FXYD3: variants seen among roughly 807,000 people sequenced by gnomAD.
FXYD3 encodes FXYD domain containing ion transport regulator 3.
FXYD3 carries 13 observed loss-of-function variants against 19.2 expected under a neutral mutation model. That is an observed-to-expected ratio of 0.68 (90% CI 0.44 to 1.08). The LOEUF is 1.08. Ranked by LOEUF, FXYD3 falls within the 50% of genes least tolerant of loss-of-function variation. The pLI, the probability that FXYD3 is intolerant of heterozygous loss-of-function variation, is 0.00. For synonymous variants in FXYD3, 48 were observed against 38.9 expected (o/e 1.23, Z -0.87); for missense variants, 101 against 109.4 (o/e 0.92, Z 0.34).
chr19:35,120,907 A>G (rs1339448133), intron 3 of FXYD3, among the ~76,000 whole-genome samples, 171 bp from the exon 4 acceptor site: 1 of 152,174 alleles, frequency 6.6e-6, no homozygotes, highest in Non-Finnish European at 1.5e-5. Context: ...TGAGTGGGCG[A>G]GTCCACATTT....
At chr19:35,123,362 GTGTGTA>G in intron 8 of FXYD3, 54 bp downstream of exon 8, 1 of 1,610,006 alleles carries the variant, frequency 6.2e-7, no homozygotes, top group Non-Finnish European at 8.5e-7. Flanking sequence ...GTGTGTGTGT[GTGTGTA>G]TGTGTGTGTT....
At chr19:35,119,887 C>T (rs547682131) in intron 3 of FXYD3, 6 of 162,868 alleles carry the variant, frequency 3.7e-5, no homozygotes, top group Non-Finnish European at 6.6e-5. Context: ...CCAAGCTGGT[C>T]TCAAACTCCT....
At chr19:35,123,151 C>T (rs2065086346) in intron 7 of FXYD3, 120 bp from the exon 8 acceptor site, 1 of 1,493,504 alleles carries the variant, frequency 6.7e-7, no homozygotes, top group South Asian at 1.4e-5. Context: ...CCTGGGATTG[C>T]ACAACCCCCC....
chr19:35,117,429 G>T lies in FXYD3; in HGVS notation c.-15+1070G>T. On this transcript the variant is annotated intron_variant, in intron 2 of 8. Coordinates refer to ENST00000604404, the MANE Select transcript of FXYD3 (RefSeq NM_005971.4). ...GAGCATAGGGCTTTAAGATGAATTT[G>T]CAGGGGTTACAGGATTACAACTGCA... 2.2e-6 allele frequency: 3 copies of T among 1,388,314 alleles called. No homozygotes were observed. In the South Asian group the frequency reaches 5.2e-5, roughly 24 times the overall value. The allele number at this position is 1,388,314 out of a possible 1,614,324, so 86.0% of individuals were successfully genotyped here. A position where few individuals can be genotyped will look rare whatever the true frequency, so the allele number is the denominator to read the frequency against.
At position 35,123,257 on chromosome 19, in the gene FXYD3, T is replaced by A. The variant is rs2065090474; in HGVS notation, c.210-14T>A. 1.9e-6 allele frequency: 3 copies of A among 1,581,390 alleles called. No homozygotes were observed. The highest frequency in any genetic ancestry group is 2.6e-6 in the Non-Finnish European group (3 of 1,163,288). On this transcript the variant is annotated splice_polypyrimidine_tract_variant and intron_variant, in intron 7 of 8. Coordinates refer to ENST00000604404, the MANE Select transcript of FXYD3 (RefSeq NM_005971.4). ...TGGGGGCGGACACCAATCTCACCAC[T>A]TTTGTCTCCTTAGTCACCATCCAGG...
chr19:35,121,159 G>A (rs1004765497), intron 4 of FXYD3, 49 bp downstream of exon 4: 1 of 1,614,066 alleles, frequency 6.2e-7, no homozygotes, highest in Non-Finnish European at 8.5e-7. Flanking sequence ...TTCTCCCCTG[G>A]GTGGGGAAGG....
At chr19:35,116,830 T>C (rs934634537) in intron 2 of FXYD3, 2 of 985,336 alleles carry the variant, frequency 2.0e-6, no homozygotes, top group Admixed American at 1.2e-4. Flanking sequence ...ACTCGGGGTG[T>C]CCAGACATTG....
At chr19:35,123,235 G>A (rs369601420) in intron 7 of FXYD3, 36 bp from the exon 8 acceptor site, 37 of 1,557,382 alleles carry the variant, frequency 2.4e-5, no homozygotes, top group Non-Finnish European at 3.2e-5. Flanking sequence ...GGGCAAATGG[G>A]GGCGGACACC....
At chr19:35,116,701 A>T in intron 2 of FXYD3, 1 of 978,524 alleles carries the variant, frequency 1.0e-6, no homozygotes, top group Non-Finnish European at 1.2e-6. Context: ...AGGTAGGGGT[A>T]TCTAAGTGGA....
chr19:35,116,376 C>G lies in FXYD3; in HGVS notation c.-15+17C>G. 3.0e-6 allele frequency: 3 copies of G among 985,514 alleles called. No individual in the cohort carries two copies. Among genetic ancestry groups the G allele is most frequent in the Non-Finnish European group, 3.6e-6 (3 of 829,992 alleles). The allele number at this position is 985,514 out of a possible 1,614,324, so 61.0% of individuals were successfully genotyped here. A position where few individuals can be genotyped will look rare whatever the true frequency, so the allele number is the denominator to read the frequency against. On this transcript the variant is annotated intron_variant, in intron 2 of 8. Transcript: ENST00000604404. ...ACCACACAGGTGAGCAGCTGGGGCC[C>G]CTTCCTCCAAGCCCTCCTTGTCTCT...
chr19:35,123,320 C>A lies in FXYD3; in HGVS notation c.247+12C>A. On this transcript the variant is annotated intron_variant, in intron 8 of 8. Coordinates refer to ENST00000604404, the MANE Select transcript of FXYD3 (RefSeq NM_005971.4). ...TCTCATCACCCCAGGTAAGATGGGG[C>A]AGCATGGGGCTCAGGGGAACACGGA... is the stretch of plus-strand genomic sequence containing the variant. 6.2e-7 allele frequency: 1 copy of A among 1,610,552 alleles called. No individual in the cohort carries two copies. The highest frequency in any genetic ancestry group is 1.1e-5 in the South Asian group (1 of 90,390).
Position 35,121,128 on chromosome 19 carries a change from C to G in FXYD3, c.73+18C>G, listed in dbSNP as rs1361299576. ...CCTAGAAGGTGAGTCAGACTGGACT[C>G]TCACCCGTCACACCCCCAAATTCTC... is the stretch of plus-strand genomic sequence containing the variant. On this transcript the variant is annotated intron_variant, in intron 4 of 8. Coordinates refer to ENST00000604404, the MANE Select transcript of FXYD3 (RefSeq NM_005971.4). The G allele has an allele frequency of 2.5e-6, 4 of 1,613,860 alleles. No individual in the cohort carries two copies. Among genetic ancestry groups the G allele is most frequent in the Middle Eastern group, 1.7e-4 (1 of 5,732 alleles).
At chr19:35,121,639 T>A (rs1568387151) in intron 5 of FXYD3, 1 of 835,404 alleles carries the variant, frequency 1.2e-6, no homozygotes, top group Non-Finnish European at 1.6e-6. Flanking sequence ...CTCTCCACGC[T>A]CCTCATTCCT....
At position 35,123,737 on chromosome 19, in the gene FXYD3, C is replaced by T; in HGVS notation, c.*280C>T. On this transcript the variant is annotated 3_prime_UTR_variant, in exon 9 of 9. Coordinates refer to ENST00000604404, the MANE Select transcript of FXYD3 (RefSeq NM_005971.4). ...AAGGTTGGCGTGCCCTGGAGGCTGACACAGAGGCTGGCACTGAGCCTGCTT... is the reference window on the plus strand; with the variant it reads ...AAGGTTGGCGTGCCCTGGAGGCTGATACAGAGGCTGGCACTGAGCCTGCTT... 1 of 538,336 alleles carries T rather than the reference C, an allele frequency of 1.9e-6. No homozygotes were observed. Among genetic ancestry groups the T allele is most frequent in the South Asian group, 2.2e-5 (1 of 46,230 alleles). 33.3% of individuals were successfully genotyped at this position (538,336 alleles called of 1,614,324 possible).
At chr19:35,118,624 AC>A in intron 2 of FXYD3, 1 of 985,758 alleles carries the variant, frequency 1.0e-6, no homozygotes, top group Non-Finnish European at 1.2e-6. Flanking sequence ...TGGGCTGGGG[AC>A]CCCGGCTAGG....
Position 35,123,299 on chromosome 19 carries a change from A to G in FXYD3, c.238A>G (p.Ile80Val). ...CCATCCAGGGGAGACTCCACCTCTC[A>G]TCACCCCAGGTAAGATGGGGCAGCA... The part of the protein sequence containing the change: ...GHHPGETPPL[I>V]TPGSAQS Residue 80 changes from isoleucine to valine, a missense_variant, in exon 8 of 9, where the codon ATC becomes GTC. By Grantham distance (29) the Ile-to-Val change is conservative (BLOSUM62 3). Coordinates refer to ENST00000604404, the MANE Select transcript of FXYD3 (RefSeq NM_005971.4). 6.2e-7 allele frequency: 1 copy of G among 1,606,942 alleles called. No individual in the cohort carries two copies. Among genetic ancestry groups the G allele is most frequent in the East Asian group, 2.2e-5 (1 of 44,834 alleles).
intron 2 of FXYD3, 103 bp from the exon 3 acceptor site, chr19:35,119,260 C>G: frequency 6.2e-7 from 1 of 1,612,320 alleles, no homozygotes; most frequent in Non-Finnish European, 8.5e-7. Context: ...GGGTGAGCTG[C>G]GCACCCTGCC....
intron 2 of FXYD3, chr19:35,117,283 G>C (rs1396822719): frequency 6.6e-7 from 1 of 1,505,246 alleles, no homozygotes; most frequent in Non-Finnish European, 8.9e-7. Context: ...GATACCATCT[G>C]TCAGTCTTGG....
Position 35,122,953 on chromosome 19 carries a change from G to A in FXYD3, c.208G>A (p.Gly70Ser), listed in dbSNP as rs546861197. 80 of 1,594,558 alleles carry A rather than the reference G, an allele frequency of 5.0e-5. No homozygotes were observed. Among genetic ancestry groups the A allele is most frequent in the South Asian group, 1.3e-4 (11 of 87,540 alleles). ...CAAATGCAAGTTTGGCCAGAAGTCC[G>A]GGTAAGATACTGTTCCGGCATGCCC... ...KCKCKFGQKS[G>S]HHPGETPPLI... Residue 70 changes from glycine (G) to serine (S), a missense_variant and splice_region_variant, in exon 7 of 9, where the codon GGT becomes AGT. By Grantham distance (56) the Gly-to-Ser change is moderately conservative. Coordinates refer to ENST00000604404, the MANE Select transcript of FXYD3 (RefSeq NM_005971.4).
Sources: allele counts gnomAD v4.1 joint callset (sites outside exome capture counted in the v4.1 genomes callset), GRCh38; gene constraint gnomAD v4.1.1; transcripts MANE v1.5; gene names NCBI Gene and HGNC (gene_info 2026-07-23, HGNC 2026-07-21).